Variants in DZANK1 observed in about 807,000 individuals in gnomAD.
DZANK1 encodes double zinc ribbon and ankyrin repeat domains 1, also known as double zinc ribbon and ankyrin repeat-containing protein 1.
A neutral mutation model predicts 94.5 loss-of-function variants in DZANK1; 91 were observed. That is an observed-to-expected ratio of 0.96 (90% CI 0.81 to 1.15). DZANK1 has a LOEUF of 1.15. Ranked by LOEUF, DZANK1 falls within the 50% of genes most tolerant of loss-of-function variation. DZANK1 has a pLI of 0.00. For synonymous variants in DZANK1, 312 were observed against 325.3 expected, an observed-to-expected ratio of 0.96 and a Z score of 0.44; for missense variants, 903 against 916.4, an observed-to-expected ratio of 0.99 and a Z score of 0.19.
Position 18,441,710 on chromosome 20 carries a change from G to T in DZANK1, c.747+1637C>A, listed in dbSNP as rs16979175. Among the ~76,000 whole-genome samples, 1 of 152,220 alleles carries T rather than the reference G, an allele frequency of 6.6e-6. No individual in the cohort carries two copies. The highest frequency in any genetic ancestry group is 1.5e-5 in the Non-Finnish European group (1 of 68,042). Reference sequence around the variant, plus strand: ...GATCAGAGCCAGCAAGGAAAAAGCCGCCCACTGGGATCCAATGAAACTCAT... The same window carrying T: ...GATCAGAGCCAGCAAGGAAAAAGCCTCCCACTGGGATCCAATGAAACTCAT... On this transcript the variant is annotated intron_variant, in intron 8 of 20. Coordinates refer to ENST00000262547, the Ensembl canonical transcript of DZANK1. The surrounding 1 kb of genome is among the most constrained non-coding windows in gnomAD (Gnocchi z 4.1).
chr20:18,393,889 G>T, intron 16 of DZANK1, 78 bp from the exon 17 acceptor site: 1 of 990,376 alleles, frequency 1.0e-6, no homozygotes, highest in Non-Finnish European at 1.5e-6. Flanking sequence ...TTACTTCCAC[G>T]TCCCTCAAAA....
intron 1 of DZANK1, 70 bp from the exon 2 acceptor site, chr20:18,465,447 GC>G: frequency 2.0e-6 from 1 of 492,234 alleles, no homozygotes. Flanking sequence ...TTTAAATGCA[GC>G]AAAACTAGTT....
At chr20:18,425,904 T>C (rs886520774) in intron 10 of DZANK1, among the ~76,000 whole-genome samples, 1 of 152,214 alleles carries the variant, frequency 6.6e-6, no homozygotes, top group Non-Finnish European at 1.5e-5. Context: ...AAACTGTTCA[T>C]TCCCTAGCAC....
At chr20:18,452,818 G>C in intron 5 of DZANK1, 79 bp from the exon 6 acceptor site, 1 of 1,398,396 alleles carries the variant, frequency 7.2e-7, no homozygotes, top group Non-Finnish European at 9.5e-7. Context: ...CACAGCGGGA[G>C]ACCTTTTAAT....
rs752324252 is a variant in DZANK1, at chr20:18,434,282, T to C, written c.748-517A>G. On this transcript the variant is annotated intron_variant, in intron 8 of 20. Coordinates refer to ENST00000262547, the Ensembl canonical transcript of DZANK1. ...ATCACAGGCTGGGTGCGGTGGCTCA[T>C]GCCTGTAACCCCAACACTTTGGGAG... 2.3e-3 allele frequency among the ~76,000 whole-genome samples: 354 copies of C among 152,060 alleles called. 2 individuals carry two copies. Among genetic ancestry groups the C allele is most frequent in the Middle Eastern group, 0.01 (3 of 292 alleles).
At chr20:18,415,057 C>T (rs1008536218) in intron 11 of DZANK1, among the ~76,000 whole-genome samples, 5 of 152,110 alleles carry the variant, frequency 3.3e-5, no homozygotes, top group Admixed American at 6.5e-5. Context: ...ATTATAAAGG[C>T]AGGCAGACAT....
exon 5 of DZANK1, chr20:18,453,806 C>T (rs779122989): frequency 1.2e-6 from 2 of 1,605,866 alleles, no homozygotes; most frequent in Admixed American, 3.3e-5. Context: ...AGTTTTGATC[C>T]AACAAATCCA....
chr20:18,453,645 G>A, intron 5 of DZANK1, 86 bp downstream of exon 5: 1 of 941,194 alleles, frequency 1.1e-6, no homozygotes, highest in Non-Finnish European at 1.7e-6. Flanking sequence ...CACTTCTCCA[G>A]ACAAGAAAAC....
chr20:18,452,779 A>G, intron 5 of DZANK1, 40 bp from the exon 6 acceptor site: 2 of 1,514,414 alleles, frequency 1.3e-6, no homozygotes, highest in Non-Finnish European at 1.8e-6. Flanking sequence ...GAGCATCTGT[A>G]ATTATACATA....
intron 17 of DZANK1, among the ~76,000 whole-genome samples, chr20:18,393,178 C>T (rs2056115697): frequency 1.3e-5 from 2 of 152,082 alleles, no homozygotes; most frequent in South Asian, 2.1e-4. Flanking sequence ...AGCTTCATCC[C>T]AAGCTGAAAC....
chr20:18,389,834 G>A lies in DZANK1; in HGVS notation c.1891-6C>T. On this transcript the variant is annotated splice_polypyrimidine_tract_variant and splice_region_variant and intron_variant, in intron 18 of 20. Transcript: ENST00000262547. ...CAGCAGTTGGGGTCTGCTCCCTGCA[G>A]CAAACGGAAAAGGACAAACTCTCCA... 6.2e-7 allele frequency: 1 copy of A among 1,613,784 alleles called. No individual in the cohort carries two copies. The highest frequency in any genetic ancestry group is 1.1e-5 in the South Asian group (1 of 91,048).
At chr20:18,398,162 T>C (rs1306932610) in intron 14 of DZANK1, among the ~76,000 whole-genome samples, 1 of 152,246 alleles carries the variant, frequency 6.6e-6, no homozygotes, top group African/African-American at 2.4e-5. Context: ...AAATGGCAGC[T>C]GTTATGTCAC....
intron 5 of DZANK1, 36 bp from the exon 6 acceptor site, chr20:18,452,775 C>G: frequency 6.6e-7 from 1 of 1,526,006 alleles, no homozygotes; most frequent in South Asian, 1.3e-5. Flanking sequence ...CTTTGAGCAT[C>G]TGTAATTATA....
intron 10 of DZANK1, among the ~76,000 whole-genome samples, chr20:18,421,792 C>CT (rs1600907689): frequency 6.6e-6 from 1 of 152,242 alleles, no homozygotes; most frequent in East Asian, 1.9e-4. Context: ...TTGCAGGTGC[C>CT]TCATCCACCC....
intron 8 of DZANK1, among the ~76,000 whole-genome samples, chr20:18,439,019 T>C (rs924074749): frequency 5.9e-5 from 9 of 152,192 alleles, no homozygotes; most frequent in Admixed American, 4.6e-4. Context: ...ATCCATAGCA[T>C]GGACATAACA....
intron 10 of DZANK1, among the ~76,000 whole-genome samples, chr20:18,421,633 C>G (rs1346243713): frequency 1.3e-5 from 2 of 152,200 alleles, no homozygotes; most frequent in Non-Finnish European, 2.9e-5. Flanking sequence ...TCACTTAGGA[C>G]TCTGATTCCA....
intron 2 of DZANK1, among the ~76,000 whole-genome samples, chr20:18,460,901 G>A (rs1189675484): frequency 1.3e-5 from 2 of 152,212 alleles, no homozygotes; most frequent in Non-Finnish European, 2.9e-5. Flanking sequence ...ACAACCCTAT[G>A]AGGTAGGTCC....
At chr20:18,417,864 T>C (rs1395933312) in intron 10 of DZANK1, among the ~76,000 whole-genome samples, 1 of 152,014 alleles carries the variant, frequency 6.6e-6, no homozygotes, top group East Asian at 1.9e-4. Flanking sequence ...GGCGAGTGTA[T>C]CACTAGAGGT....
intron 3 of DZANK1, among the ~76,000 whole-genome samples, chr20:18,457,851 G>A (rs2059343013): frequency 6.6e-6 from 1 of 152,144 alleles, no homozygotes; most frequent in Admixed American, 6.5e-5. Context: ...AAAATCATGG[G>A]CCCTATTATT....
Sources: allele counts gnomAD v4.1 joint callset (sites outside exome capture counted in the v4.1 genomes callset), GRCh38; gene constraint gnomAD v4.1.1; non-coding constraint Gnocchi (gnomAD v3.1); transcripts MANE v1.5; gene names NCBI Gene and HGNC (gene_info 2026-07-23, HGNC 2026-07-21).